Variants in ATG16L1 observed in about 807,000 individuals in gnomAD.
The protein encoded by ATG16L1 is autophagy related 16 like 1, also known as autophagy-related protein 16-1.
Under a neutral mutation model 88.5 loss-of-function variants are expected in ATG16L1, and 37 were observed. The ratio of observed to expected loss-of-function variants is 0.42; its 90% CI spans 0.32 to 0.55. The LOEUF is 0.55. ATG16L1 is among the 20% of genes least tolerant of loss of function. ATG16L1 has a pLI of 0.13. For synonymous variants in ATG16L1, 301 were observed against 281.0 expected (o/e 1.07, Z -0.71); for missense variants, 554 against 752.8 (o/e 0.74, Z 3.09).
chr2:233,283,550 ATTT>A (rs1336395209), intron 12 of ATG16L1, among the ~76,000 whole-genome samples: 1 of 151,034 alleles, frequency 6.6e-6, no homozygotes, highest in Non-Finnish European at 1.5e-5. Context: ...GTTAAGATGA[ATTT>A]TTTTTCTTTT....
chr2:233,294,153 A>G, intron 17 of ATG16L1, 104 bp from the exon 18 acceptor site: 1 of 907,698 alleles, frequency 1.1e-6, no homozygotes, highest in Non-Finnish European at 1.6e-6. Context: ...TGGAAGTTGG[A>G]AAAATTAGGA....
intron 8 of ATG16L1, 126 bp downstream of exon 8, chr2:233,273,903 T>G: frequency 6.6e-7 from 1 of 1,515,754 alleles, no homozygotes; most frequent in South Asian, 1.2e-5. Flanking sequence ...TGCCTTAATA[T>G]CAGCTTTTCA....
intron 12 of ATG16L1, among the ~76,000 whole-genome samples, chr2:233,286,525 G>T (rs1302053874): frequency 6.6e-6 from 1 of 151,492 alleles, no homozygotes; most frequent in Middle Eastern, 3.2e-3. Flanking sequence ...CCTGTAGGAG[G>T]CCCAGCTCTA....
chr2:233,289,196 C>T (rs773099516), intron 12 of ATG16L1, among the ~76,000 whole-genome samples: 5 of 152,068 alleles, frequency 3.3e-5, no homozygotes, highest in Non-Finnish European at 7.3e-5. Flanking sequence ...ATGGGGAGCA[C>T]GTGAAGCTTG....
rs1467348946 is a variant in ATG16L1, at chr2:233,269,996, C to T, written c.642-6C>T. The T allele has an allele frequency of 1.4e-5, 22 of 1,565,610 alleles. No homozygotes were observed. The Middle Eastern group carries it at 1.6e-3, about 110-fold the overall frequency. On this transcript the variant is annotated splice_region_variant and splice_polypyrimidine_tract_variant and intron_variant, in intron 5 of 17. Coordinates refer to ENST00000392017, the MANE Select transcript of ATG16L1 (RefSeq NM_030803.7). Reference sequence around the variant, plus strand: ...TGGTGGGCTTTTTTTTTTTTTTTCCCAACAGGAGGCGGCAAGCCCGGCTGC... The same window carrying T: ...TGGTGGGCTTTTTTTTTTTTTTTCCTAACAGGAGGCGGCAAGCCCGGCTGC...
At chr2:233,259,781 C>T (rs897548861) in intron 2 of ATG16L1, among the ~76,000 whole-genome samples, 1 of 152,140 alleles carries the variant, frequency 6.6e-6, no homozygotes, top group Non-Finnish European at 1.5e-5. Flanking sequence ...TCCTTTATTC[C>T]TCATATTCCC....
rs142458770 is a variant in ATG16L1 at position 233,292,863 on chromosome 2, A to G, written c.1629-393A>G. ...TCTTCCATGTATCCTGCTTCTTCCA[A>G]ATACCTTTCCAGGCTCAGTTGCTAA... On this transcript the variant is annotated intron_variant, in intron 16 of 17. Coordinates refer to ENST00000392017, the MANE Select transcript of ATG16L1 (RefSeq NM_030803.7). Among the ~76,000 whole-genome samples the G allele has an allele frequency of 8.2e-3, 1,249 of 152,314 alleles. 10 individuals carry two copies. The highest frequency in any genetic ancestry group is 0.014 in the Non-Finnish European group (935 of 68,036).
At position 233,251,868 on chromosome 2, in the gene ATG16L1, A is replaced by G. The variant is rs1696392204; in HGVS notation, c.41A>G (p.Lys14Arg). Residue 14 changes from lysine (K) to arginine (R), a missense_variant, in exon 1 of 18, where the codon AAG (lysine) becomes AGG (arginine). Lys to Arg is a conservative substitution (Grantham distance 26). Around this residue, in one of 5 missense-constraint regions of ATG16L1, gnomAD observed 101 missense variants for 107.0 expected, o/e 0.94. Transcript: ENST00000392017. Reference sequence around the variant, plus strand: ...CGCGCCGCTGACTTCCCCCGCTGGAAGCGCCACATCTCGGAGCAACTGAGG... The same window carrying G: ...CGCGCCGCTGACTTCCCCCGCTGGAGGCGCCACATCTCGGAGCAACTGAGG... The part of the protein sequence containing the change: ...GLRAADFPRW[K>R]RHISEQLRRR... 6.4e-7 allele frequency: 1 copy of G among 1,550,590 alleles called. No individual in the cohort carries two copies. The highest frequency in any genetic ancestry group is 8.7e-7 in the Non-Finnish European group (1 of 1,147,296).
intron 8 of ATG16L1, chr2:233,274,248 G>T: frequency 1.8e-6 from 1 of 562,340 alleles, no homozygotes. Context: ...CTTTCTTTTG[G>T]CATGCGTTAG....
chr2:233,265,221 C>T lies in ATG16L1; in HGVS notation c.641+78C>T, dbSNP rs1697482145. 4.5e-6 allele frequency: 7 copies of T among 1,540,562 alleles called. No individual in the cohort carries two copies. In the East Asian group the frequency reaches 6.8e-5, roughly 15 times the overall value. ...AGGTCTTTGAAAAGAAAGAGATAAA[C>T]CTGGCAGTTACTACAGGAGGTTTAC... is the stretch of plus-strand genomic sequence containing the variant. On this transcript the variant is annotated intron_variant, in intron 5 of 17. Coordinates refer to ENST00000392017, the MANE Select transcript of ATG16L1 (RefSeq NM_030803.7).
rs35300242 is a variant in ATG16L1 at position 233,260,144 on chromosome 2, G to C, written c.210-2986G>C. Among the ~76,000 whole-genome samples, 218 of 152,038 alleles carry C rather than the reference G, an allele frequency of 1.4e-3. 1 individual carries two copies. The highest frequency in any genetic ancestry group is 3.4e-3 in the Middle Eastern group (1 of 294). On this transcript the variant is annotated intron_variant, in intron 2 of 17. Transcript: ENST00000392017. ...CCTGCCTGTCTCATCCTAATTAACC[G>C]TAAAACACTGCACACTGTGCTTAAA...
Position 233,252,029 on chromosome 2 carries a change from C to T in ATG16L1, c.115+87C>T, listed in dbSNP as rs1696407020. On this transcript the variant is annotated intron_variant, in intron 1 of 17. Transcript: ENST00000392017. ...GTCAGCGGGAACCTGAGGCCGAGTCCCTGGCGCCGCCCGCACGCATGGCGG... is the reference window on the plus strand; with the variant it reads ...GTCAGCGGGAACCTGAGGCCGAGTCTCTGGCGCCGCCCGCACGCATGGCGG... The T allele has an allele frequency of 8.6e-6, 10 of 1,158,098 alleles. No individual in the cohort carries two copies. The South Asian group carries it at 1.1e-4, about 13-fold the overall frequency. The allele number at this position is 1,158,098 out of a possible 1,614,324, so 71.7% of individuals were successfully genotyped here.
At chr2:233,282,806 T>C (rs569556782) in intron 12 of ATG16L1, 53 bp downstream of exon 12, 22 of 1,545,266 alleles carry the variant, frequency 1.4e-5, no homozygotes, top group Non-Finnish European at 2.0e-5. Flanking sequence ...TGTGGTGTTA[T>C]CAAGGCACAA....
At chr2:233,255,746 T>C (rs1696732463) in intron 1 of ATG16L1, among the ~76,000 whole-genome samples, 1 of 152,228 alleles carries the variant, frequency 6.6e-6, no homozygotes, top group Non-Finnish European at 1.5e-5. Context: ...GTTAACTCCA[T>C]GTTGGAGACT....
Position 233,286,500 on chromosome 2 carries a change from A to G in ATG16L1, c.1204-3354A>G, listed in dbSNP as rs1306733018. ...CATTTCAAAGGACTCTATAAATGATAGAGGTGAATGAATGCCTGTAGGAGG... is the reference window on the plus strand; with the variant it reads ...CATTTCAAAGGACTCTATAAATGATGGAGGTGAATGAATGCCTGTAGGAGG... On this transcript the variant is annotated intron_variant, in intron 12 of 17. Transcript: ENST00000392017. Among the ~76,000 whole-genome samples the G allele has an allele frequency of 3.3e-5, 5 of 152,072 alleles. No homozygotes were observed. The South Asian group carries it at 1.0e-3, about 32-fold the overall frequency.
intron 1 of ATG16L1, 144 bp downstream of exon 1, chr2:233,252,086 C>T (rs527529210): frequency 4.1e-5 from 24 of 590,504 alleles, no homozygotes; most frequent in East Asian, 2.4e-4. Flanking sequence ...TGGGACGCCG[C>T]ACGCCTTTTA....
At chr2:233,274,913 T>A in intron 9 of ATG16L1, 135 bp downstream of exon 9, 1 of 587,986 alleles carries the variant, frequency 1.7e-6, no homozygotes, top group Non-Finnish European at 2.8e-6. Flanking sequence ...CTTTTGGCTC[T>A]GTCAGCTGTG....
chr2:233,263,590 G>C (rs1393805217), intron 3 of ATG16L1, among the ~76,000 whole-genome samples: 1 of 152,232 alleles, frequency 6.6e-6, no homozygotes, highest in Non-Finnish European at 1.5e-5. Context: ...TGAAATTTCA[G>C]AGACATTCGT....
Position 233,293,379 on chromosome 2 carries a change from C to T in ATG16L1, c.1730+22C>T, listed in dbSNP as rs1031417452. 10 of 1,597,954 alleles carry T rather than the reference C, an allele frequency of 6.3e-6. No individual in the cohort carries two copies. In the South Asian group the frequency reaches 6.6e-5, roughly 11 times the overall value. On this transcript the variant is annotated intron_variant, in intron 17 of 17. Transcript: ENST00000392017. Reference sequence around the variant, plus strand: ...ACAGGTAAGATGAACCCTGTCTCAGCCCCCCGTTGCGTTGTGAGCAAGGCC... The same window carrying T: ...ACAGGTAAGATGAACCCTGTCTCAGTCCCCCGTTGCGTTGTGAGCAAGGCC...
Sources: allele counts gnomAD v4.1 joint callset (sites outside exome capture counted in the v4.1 genomes callset), GRCh38; gene constraint gnomAD v4.1.1; regional missense constraint gnomAD v4.1.1; transcripts MANE v1.5; gene names NCBI Gene and HGNC (gene_info 2026-07-23, HGNC 2026-07-21).